Variants in PGBD1 observed in about 807,000 individuals in gnomAD.
PGBD1 encodes the protein piggyBac transposable element-derived protein 1.
PGBD1 carries 25 observed loss-of-function variants against 34.7 expected under a neutral mutation model. That is an observed-to-expected ratio of 0.72 (90% CI 0.52 to 1.00). The LOEUF (loss-of-function observed/expected upper bound fraction) is 1.00, where lower values mean the gene tolerates loss of function less well. Ranked by LOEUF, PGBD1 falls within the 50% of genes least tolerant of loss-of-function variation. The pLI, the probability that PGBD1 is intolerant of heterozygous loss-of-function variation, is 0.00. For synonymous variants in PGBD1, 292 were observed against 335.7 expected (o/e 0.87, Z 1.42); for missense variants, 830 against 959.4 (o/e 0.87, Z 1.78).
chr6:28,284,524 A>G (rs1762231272), intron 2 of PGBD1, among the ~76,000 whole-genome samples: 1 of 151,916 alleles, frequency 6.6e-6, no homozygotes, highest in African/African-American at 2.4e-5. Flanking sequence ...TGCAAACACT[A>G]TATCCCTTTA....
At chr6:28,298,061 C>A in intron 6 of PGBD1, 70 bp downstream of exon 6, 4 of 1,095,688 alleles carry the variant, frequency 3.7e-6, no homozygotes, top group African/African-American at 1.6e-5. Context: ...TCAGAGAAAC[C>A]AATTGGTCAA....
At chr6:28,291,146 A>G (rs539948839) in intron 4 of PGBD1, among the ~76,000 whole-genome samples, 59 of 148,726 alleles carry the variant, frequency 4.0e-4, no homozygotes, top group African/African-American at 1.4e-3. Flanking sequence ...AAAAAAACCC[A>G]GAAGAACAAT....
rs368634720 is a variant in PGBD1, at chr6:28,297,816, G to GTTTTTT, written c.773-55_773-50dup. 33 of 350,516 alleles carry GTTTTTT rather than the reference G, an allele frequency of 9.4e-5. 2 individuals carry two copies. The highest frequency in any genetic ancestry group is 1.3e-4 in the Non-Finnish European group (27 of 207,300). 21.7% of individuals were successfully genotyped at this position (350,516 alleles called of 1,614,324 possible). A position where few individuals can be genotyped will look rare whatever the true frequency, so the allele number is the denominator to read the frequency against. ...GGAACATCTATTCCCTACCCTGGAAGTTTTTTTTTTTTTTTTTTTTTTTTT... is the reference window on the plus strand; with the variant it reads ...GGAACATCTATTCCCTACCCTGGAAGTTTTTTTTTTTTTTTTTTTTTTTTTTTTTTT... On this transcript the variant is annotated intron_variant, in intron 5 of 6. Coordinates refer to ENST00000682144, the MANE Select transcript of PGBD1 (RefSeq NM_032507.4).
In PGBD1 at chr6:28,300,962, G is replaced by A. The variant is rs1196412106; in HGVS notation, c.1108G>A (p.Glu370Lys). 30 of 1,613,984 alleles carry A rather than the reference G, an allele frequency of 1.9e-5. No individual in the cohort carries two copies. The highest frequency in any genetic ancestry group is 3.3e-5 in the Admixed American group (2 of 59,982). ...TGACTCAGATGTGGAAAAAGATAAT[G>A]AGCCTGAGATCCAGCCTGCTCAAAA... ...SGDSDVEKDN[E>K]PEIQPAQKKL... Residue 370 changes from glutamate (E) to lysine (K), a missense_variant, in exon 7 of 7, where the codon GAG becomes AAG. This residue lies in a region of PGBD1 where 457 missense variants were observed against 515.4 expected (regional missense o/e 0.89). Transcript: ENST00000682144. The surrounding 1 kb of genome is among the most constrained non-coding windows in gnomAD (Gnocchi z 4.0).
At chr6:28,287,287 T>G in intron 4 of PGBD1, 119 bp downstream of exon 4, 2 of 813,010 alleles carry the variant, frequency 2.5e-6, no homozygotes, top group Non-Finnish European at 4.2e-6. Context: ...GGTGGCATAG[T>G]CCCTCTGCCT....
At chr6:28,282,981 C>G (rs560007208) in intron 1 of PGBD1, among the ~76,000 whole-genome samples, 1 of 152,196 alleles carries the variant, frequency 6.6e-6, no homozygotes, top group Non-Finnish European at 1.5e-5. Context: ...TGGCTGAAAA[C>G]AAGCTCAGCT....
intron 4 of PGBD1, among the ~76,000 whole-genome samples, chr6:28,293,300 C>T (rs1209672504): frequency 5.3e-5 from 8 of 152,138 alleles, no homozygotes; most frequent in African/African-American, 1.9e-4. Flanking sequence ...GGATTTCTAG[C>T]CTCCAGAGCC....
rs746870371 is a variant in PGBD1 at position 28,302,050 on chromosome 6, T to C, written c.2196T>C (p.Tyr732=). ...QISQPSIVKV[Y]DECKEGVAKM... ...GTCAACCATCCATAGTAAAAGTGTA[T>C]GATGAATGCAAGGAAGGTGTAGCTA... The change falls in exon 7 of 7, where the codon TAT becomes TAC. Residue 732 remains tyrosine (Y), a synonymous_variant. Coordinates refer to ENST00000682144, the MANE Select transcript of PGBD1 (RefSeq NM_032507.4). The C allele has an allele frequency of 3.7e-6, 6 of 1,614,126 alleles. No homozygotes were observed. The East Asian group carries it at 1.1e-4, about 30-fold the overall frequency.
At chr6:28,299,097 A>G (rs1477398113) in intron 6 of PGBD1, among the ~76,000 whole-genome samples, 1 of 152,216 alleles carries the variant, frequency 6.6e-6, no homozygotes, top group African/African-American at 2.4e-5. Context: ...AGGCTCCACT[A>G]AAGGAAGAGA....
At chr6:28,289,208 G>A (rs1025660479) in intron 4 of PGBD1, among the ~76,000 whole-genome samples, 5 of 151,976 alleles carry the variant, frequency 3.3e-5, no homozygotes, top group African/African-American at 1.2e-4. Context: ...CAAGAGACAA[G>A]AAACAAATAA....
chr6:28,292,385 C>A (rs1762487092), intron 4 of PGBD1, among the ~76,000 whole-genome samples: 1 of 151,728 alleles, frequency 6.6e-6, no homozygotes, highest in Non-Finnish European at 1.5e-5. Context: ...AATTTAAACA[C>A]CAAATTAAGT....
chr6:28,289,885 T>C (rs1762394222), intron 4 of PGBD1, among the ~76,000 whole-genome samples: 1 of 152,210 alleles, frequency 6.6e-6, no homozygotes, highest in South Asian at 2.1e-4. Flanking sequence ...AATTAAAGCA[T>C]ATAATTTTTT....
At chr6:28,296,712 G>A in intron 4 of PGBD1, 104 bp from the exon 5 acceptor site, 1 of 1,317,116 alleles carries the variant, frequency 7.6e-7, no homozygotes, top group Middle Eastern at 1.9e-4. Context: ...AATGCCCTGA[G>A]GGGCTGGGAC....
chr6:28,290,098 TTTG>T (rs894036904), intron 4 of PGBD1, among the ~76,000 whole-genome samples: 8 of 152,180 alleles, frequency 5.3e-5, no homozygotes, highest in East Asian at 3.9e-4. Context: ...ACAGAGGTTT[TTTG>T]TTGTTGTTGT....
chr6:28,290,180 C>T (rs552191665), intron 4 of PGBD1, among the ~76,000 whole-genome samples: 1 of 152,340 alleles, frequency 6.6e-6, no homozygotes, highest in South Asian at 2.1e-4. Flanking sequence ...ACTGCAACCT[C>T]TGCCTCCCGA....
At chr6:28,286,319 A>G (rs1178812633) in intron 3 of PGBD1, among the ~76,000 whole-genome samples, 1 of 152,242 alleles carries the variant, frequency 6.6e-6, no homozygotes, top group Non-Finnish European at 1.5e-5. Context: ...GTACTCTGCC[A>G]TCTGCCAACT....
intron 4 of PGBD1, among the ~76,000 whole-genome samples, chr6:28,291,199 A>G (rs993874711): frequency 6.6e-6 from 1 of 151,586 alleles, no homozygotes; most frequent in African/African-American, 2.4e-5. Context: ...AACAAAATCA[A>G]GTCTTTAGCT....
chr6:28,300,707 C>CTTT lies in PGBD1; in HGVS notation c.870-12_870-10dup, dbSNP rs3215466. On this transcript the variant is annotated splice_polypyrimidine_tract_variant and intron_variant, in intron 6 of 6. Coordinates refer to ENST00000682144, the MANE Select transcript of PGBD1 (RefSeq NM_032507.4). The surrounding 1 kb of genome is among the most constrained non-coding windows in gnomAD (Gnocchi z 4.0). ...TGATTGAGGATTTTTATAACATGTTCTTTTTTTCTTTCCCAGAGAGTGTGC... is the reference window on the plus strand; with the variant it reads ...TGATTGAGGATTTTTATAACATGTTCTTTTTTTTTTCTTTCCCAGAGAGTGTGC... 4 of 1,570,106 alleles carry CTTT rather than the reference C, an allele frequency of 2.5e-6. No homozygotes were observed. The highest frequency in any genetic ancestry group is 1.9e-5 in the Admixed American group (1 of 51,896).
At position 28,302,240 on chromosome 6, in the gene PGBD1, G is replaced by A; in HGVS notation, c.2386G>A (p.Val796Ile). The A allele has an allele frequency of 6.2e-7, 1 of 1,613,976 alleles. No individual in the cohort carries two copies. The highest frequency in any genetic ancestry group is 8.5e-7 in the Non-Finnish European group (1 of 1,179,920). Residue 796 changes from valine (V) to isoleucine (I), a missense_variant, in exon 7 of 7, where the codon GTT (valine) becomes ATT (isoleucine). This residue lies in a region of PGBD1 where 372 missense variants were observed against 427.9 expected (regional missense o/e 0.87). Coordinates refer to ENST00000682144, the MANE Select transcript of PGBD1 (RefSeq NM_032507.4). ...SLDPLDFRRFVAHFYLEHNAH... is the reference protein window; with the variant it reads ...SLDPLDFRRFIAHFYLEHNAH... ...AGACCCCTTGGATTTTCGGAGATTT[G>A]TTGCACATTTCTACTTGGAACACAA...
Sources: allele counts gnomAD v4.1 joint callset (sites outside exome capture counted in the v4.1 genomes callset), GRCh38; gene constraint gnomAD v4.1.1; regional missense constraint gnomAD v4.1.1; non-coding constraint Gnocchi (gnomAD v3.1); transcripts MANE v1.5; gene names NCBI Gene and HGNC (gene_info 2026-07-23, HGNC 2026-07-21).